CDH2: variants seen among roughly 807,000 people sequenced by gnomAD.
CDH2 encodes cadherin 2.
A neutral mutation model predicts 92.0 loss-of-function variants in CDH2; 17 were observed. The ratio of observed to expected loss-of-function variants is 0.18; its 90% CI spans 0.13 to 0.28. CDH2 has a LOEUF of 0.28. CDH2 is among the 10% of genes least tolerant of loss of function. The pLI is 1.00. For missense variants in CDH2, 862 were observed against 1,133.1 expected (o/e 0.76, Z 3.44); for synonymous variants, 419 against 415.9 (o/e 1.01, Z -0.09).
At chr18:27,966,654 T>G (rs912789371) in intron 14 of CDH2, among the ~76,000 whole-genome samples, 1 of 152,242 alleles carries the variant, frequency 6.6e-6, no homozygotes, top group Non-Finnish European at 1.5e-5. Context: ...CTGAGAGCAG[T>G]TGTCCCCTCT....
At chr18:28,071,607 C>T (rs2014619711) in intron 2 of CDH2, among the ~76,000 whole-genome samples, 1 of 152,126 alleles carries the variant, frequency 6.6e-6, no homozygotes, top group Admixed American at 6.6e-5. Flanking sequence ...TATTTTATTG[C>T]TAAATAATTA....
At chr18:27,979,991 CT>C (rs1164541689) in intron 14 of CDH2, among the ~76,000 whole-genome samples, 1 of 152,142 alleles carries the variant, frequency 6.6e-6, no homozygotes, top group Non-Finnish European at 1.5e-5. Flanking sequence ...CCAATCAAAG[CT>C]TTTTGAAACC....
rs760570740 is a variant in CDH2, at chr18:28,005,829, A to G, written c.847+20T>C. On this transcript the variant is annotated intron_variant, in intron 6 of 15. Coordinates refer to ENST00000269141, the MANE Select transcript of CDH2 (RefSeq NM_001792.5). ...CATACTTTCCTCAAGTCATCTTCAA[A>G]TTATTATCTTTAAACTTACCAGGCT... The G allele has an allele frequency of 6.3e-7, 1 of 1,588,092 alleles. No individual in the cohort carries two copies. Among genetic ancestry groups the G allele is most frequent in the Non-Finnish European group, 8.6e-7 (1 of 1,163,124 alleles).
chr18:27,952,281 A>G lies in CDH2; in HGVS notation c.2593T>C (p.Ser865Pro). The change falls in exon 16 of 16, where the codon TCC (serine) becomes CCC (proline). Residue 865 changes from serine (S) to proline (P), a missense_variant. Around this residue, in one of 5 missense-constraint regions of CDH2, gnomAD observed 114 missense variants for 144.8 expected, o/e 0.79. Coordinates refer to ENST00000269141, the MANE Select transcript of CDH2 (RefSeq NM_001792.5). ...LLVFDYEGSGSTAGSLSSLNS... is the reference protein window; with the variant it reads ...LLVFDYEGSGPTAGSLSSLNS... ...AGGGAGCTCAAGGACCCAGCAGTGG[A>G]GCCACTGCCTTCATAGTCAAACACT... 1 of 1,613,380 alleles carries G rather than the reference A, an allele frequency of 6.2e-7. No homozygotes were observed. The highest frequency in any genetic ancestry group is 2.2e-5 in the East Asian group (1 of 44,868).
At chr18:28,137,174 A>G (rs1185560509) in intron 2 of CDH2, among the ~76,000 whole-genome samples, 3 of 152,172 alleles carry the variant, frequency 2.0e-5, no homozygotes, top group Admixed American at 2.0e-4. Flanking sequence ...AAAACCTTCA[A>G]CTCAGGTGAA....
At chr18:28,120,216 T>C (rs1367833590) in intron 2 of CDH2, among the ~76,000 whole-genome samples, 48 of 152,206 alleles carry the variant, frequency 3.2e-4, no homozygotes, top group East Asian at 1.9e-4. Context: ...CACATCATGA[T>C]TGAAACTACA....
intron 2 of CDH2, among the ~76,000 whole-genome samples, chr18:28,038,568 C>A (rs562771263): frequency 6.6e-6 from 1 of 151,992 alleles, no homozygotes; most frequent in African/African-American, 2.4e-5. Flanking sequence ...TTATAGGAAC[C>A]AATGCATGCA....
Position 28,172,105 on chromosome 18 carries a change from G to A in CDH2, c.60+4858C>T, listed in dbSNP as rs1015137321. Among the ~76,000 whole-genome samples, 10 of 151,964 alleles carry A rather than the reference G, an allele frequency of 6.6e-5. No homozygotes were observed. In the East Asian group the frequency reaches 9.7e-4, roughly 15 times the overall value. The stretch of plus-strand genomic sequence containing the variant: ...TGTGTGTGTGTGTGTGTGTGTGTGC[G>A]TGTGTGTATGCAATCCAAGGGCTTG... On this transcript the variant is annotated intron_variant, in intron 1 of 15. Coordinates refer to ENST00000269141, the MANE Select transcript of CDH2 (RefSeq NM_001792.5).
In CDH2 at chr18:28,005,847, AC is replaced by A; in HGVS notation, c.847+1del. On this transcript the variant is annotated splice_donor_variant, in intron 6 of 15. Transcript: ENST00000269141. LOFTEE classifies it high-confidence loss of function. ...TCTTCAAATTATTATCTTTAAACTT[AC>A]CAGGCTTTGATCCCTCAGGAACTGT... 1 of 1,608,076 alleles carries A rather than the reference AC, an allele frequency of 6.2e-7. No individual in the cohort carries two copies. Among genetic ancestry groups the A allele is most frequent in the Non-Finnish European group, 8.5e-7 (1 of 1,176,150 alleles).
At chr18:28,140,462 T>C (rs1220485070) in intron 2 of CDH2, among the ~76,000 whole-genome samples, 2 of 151,908 alleles carry the variant, frequency 1.3e-5, no homozygotes, top group African/African-American at 2.4e-5. Flanking sequence ...GTGGAATTTG[T>C]GGGAGGTGAT....
chr18:28,099,948 G>T (rs772362093), intron 2 of CDH2, among the ~76,000 whole-genome samples: 8 of 151,482 alleles, frequency 5.3e-5, no homozygotes, highest in Non-Finnish European at 1.2e-4. Context: ...AAAAACAGAA[G>T]TTTTTTTTTA....
At chr18:27,956,770 G>T (rs1238820188) in intron 15 of CDH2, among the ~76,000 whole-genome samples, 3 of 152,110 alleles carry the variant, frequency 2.0e-5, no homozygotes, top group Non-Finnish European at 4.4e-5. Context: ...TTTAATTGGT[G>T]CATGAACACT....
intron 2 of CDH2, among the ~76,000 whole-genome samples, chr18:28,049,424 C>T (rs1052118110): frequency 5.3e-5 from 8 of 151,996 alleles, no homozygotes; most frequent in Non-Finnish European, 1.2e-4. Flanking sequence ...CACACAGAGA[C>T]GAAATGAACA....
intron 2 of CDH2, among the ~76,000 whole-genome samples, chr18:28,015,400 A>G (rs2013217327): frequency 6.6e-6 from 1 of 152,168 alleles, no homozygotes; most frequent in South Asian, 2.1e-4. Flanking sequence ...AAGTATCCCA[A>G]AAGATATTTA....
intron 2 of CDH2, among the ~76,000 whole-genome samples, chr18:28,091,641 T>G (rs1288660340): frequency 6.6e-6 from 1 of 152,256 alleles, no homozygotes; most frequent in Non-Finnish European, 1.5e-5. Flanking sequence ...ACTGATTTAC[T>G]ATTTGAAGAA....
rs1223562220 is a variant in CDH2, at chr18:28,134,372, C to T, written c.172+13301G>A. On this transcript the variant is annotated intron_variant, in intron 2 of 15. Transcript: ENST00000269141. ...TCCCCTTCCCCCAGCCTTTCCCCCACAAAAAAGAACTAAAAATTGCTCAGA... is the reference window on the plus strand; with the variant it reads ...TCCCCTTCCCCCAGCCTTTCCCCCATAAAAAAGAACTAAAAATTGCTCAGA... 2.0e-5 allele frequency among the ~76,000 whole-genome samples: 3 copies of T among 151,986 alleles called. No homozygotes were observed. The South Asian group carries it at 6.2e-4, about 32-fold the overall frequency.
intron 2 of CDH2, among the ~76,000 whole-genome samples, chr18:28,121,073 AT>A (rs2015579902): frequency 1.3e-5 from 2 of 152,184 alleles, no homozygotes; most frequent in Middle Eastern, 3.2e-3. Context: ...GCGGTTTCAC[AT>A]TAAGTATCCA....
At chr18:28,026,671 T>C (rs1304692897) in intron 2 of CDH2, among the ~76,000 whole-genome samples, 2 of 152,192 alleles carry the variant, frequency 1.3e-5, no homozygotes, top group Non-Finnish European at 2.9e-5. Flanking sequence ...GTCAGCCATG[T>C]ATGTTATTTC....
chr18:27,989,300 TTAG>T (rs1302614724), intron 10 of CDH2, among the ~76,000 whole-genome samples: 1 of 152,186 alleles, frequency 6.6e-6, no homozygotes, highest in African/African-American at 2.4e-5. Flanking sequence ...CTTTTAAAGA[TTAG>T]ATAACCAGTT....
Sources: allele counts gnomAD v4.1 joint callset (sites outside exome capture counted in the v4.1 genomes callset), GRCh38; gene constraint gnomAD v4.1.1; regional missense constraint gnomAD v4.1.1; transcripts MANE v1.5; gene names NCBI Gene and HGNC (gene_info 2026-07-23, HGNC 2026-07-21).